Variants in ACP4 observed in about 807,000 individuals in gnomAD.
ACP4 encodes acid phosphatase 4, also known as testicular acid phosphatase.
A neutral mutation model predicts 47.3 loss-of-function variants in ACP4; 49 were observed. The observed-to-expected ratio is 1.04, with a 90% CI of 0.82 to 1.32. The LOEUF (loss-of-function observed/expected upper bound fraction) is 1.32, where lower values mean the gene tolerates loss of function less well. ACP4 is among the 40% of genes most tolerant of loss of function. The pLI is 0.00. For missense variants in ACP4, 594 were observed against 579.3 expected, an observed-to-expected ratio of 1.03 and a Z score of -0.26; for synonymous variants, 299 against 265.3, an observed-to-expected ratio of 1.13 and a Z score of -1.23.
intron 8 of ACP4, 97 bp downstream of exon 8, chr19:50,794,067 C>A: frequency 7.1e-7 from 1 of 1,402,976 alleles, no homozygotes; most frequent in Non-Finnish European, 1.0e-6. Context: ...CAGTGGATCT[C>A]AGCCCACTGC....
intron 8 of ACP4, among the ~76,000 whole-genome samples, 183 bp downstream of exon 8, chr19:50,794,153 T>C (rs1020456195): frequency 6.6e-6 from 1 of 152,318 alleles, no homozygotes; most frequent in East Asian, 1.9e-4. Context: ...GACGGTGTTA[T>C]GGGAGGAAGA....
At chr19:50,794,366 A>G in intron 8 of ACP4, 91 bp from the exon 9 acceptor site, 2 of 1,541,374 alleles carry the variant, frequency 1.3e-6, no homozygotes, top group South Asian at 1.2e-5. Context: ...GGTTCTAAGA[A>G]GCCTGGGGGA....
At position 50,791,694 on chromosome 19, in the gene ACP4, G is replaced by A; in HGVS notation, c.342G>A (p.Glu114=). 3 of 1,613,382 alleles carry A rather than the reference G, an allele frequency of 1.9e-6. No homozygotes were observed. Among genetic ancestry groups the A allele is most frequent in the Non-Finnish European group, 2.5e-6 (3 of 1,179,928 alleles). ...GCACGGACTTTGACCGCACGCTGGA[G>A]AGTGCCCAGGCCAACCTTGCCGGGC... ...IRSTDFDRTL[E]SAQANLAGLF... Residue 114 remains glutamate, a synonymous_variant, in exon 4 of 11, where the codon GAG becomes GAA. Coordinates refer to ENST00000270593, the MANE Select transcript of ACP4 (RefSeq NM_033068.3).
rs565145895 is a variant in ACP4, at chr19:50,792,404, C to T, written c.645+67C>T. The T allele has an allele frequency of 4.0e-6, 6 of 1,509,610 alleles. No homozygotes were observed. The Admixed American group carries it at 5.4e-5, about 14-fold the overall frequency. The allele number at this position is 1,509,610 out of a possible 1,614,324, so 93.5% of individuals were successfully genotyped here. A position where few individuals can be genotyped will look rare whatever the true frequency, so the allele number is the denominator to read the frequency against. ...GTTTCCAATCCCAGCTTGCTACTCA[C>T]TAGCTGTGTTCCCTCAGGCATGTAG... On this transcript the variant is annotated intron_variant, in intron 6 of 10. Coordinates refer to ENST00000270593, the MANE Select transcript of ACP4 (RefSeq NM_033068.3).
chr19:50,791,005 T>A (rs755504814), intron 3 of ACP4, 145 bp downstream of exon 3: 26 of 764,804 alleles, frequency 3.4e-5, no homozygotes, highest in Non-Finnish European at 5.2e-5. Flanking sequence ...TGACCCCCGA[T>A]ACACTGACTA....
rs2089537077 is a variant in ACP4 at position 50,794,402 on chromosome 19, C to T, written c.862-55C>T. On this transcript the variant is annotated intron_variant, in intron 8 of 10. Transcript: ENST00000270593. ...CATCTGGATGCGCAAGTGTAGTGCTCAGGAGAAAGGCCTCCAGAGAGAAGT... is the reference window on the plus strand; with the variant it reads ...CATCTGGATGCGCAAGTGTAGTGCTTAGGAGAAAGGCCTCCAGAGAGAAGT... 3.7e-6 allele frequency: 6 copies of T among 1,604,782 alleles called. No individual in the cohort carries two copies. In the South Asian group the frequency reaches 5.5e-5, roughly 15 times the overall value.
chr19:50,790,864 G>T lies in ACP4; in HGVS notation c.303+4G>T. ...TCCGGAGTACCGGCGGGAGGAGGTA[G>T]GGCCATAGTGACCCCCACCTGGCCC... is the stretch of plus-strand genomic sequence containing the variant. On this transcript the variant is annotated splice_donor_region_variant and intron_variant, in intron 3 of 10. Transcript: ENST00000270593. The T allele has an allele frequency of 3.2e-6, 5 of 1,544,500 alleles. No individual in the cohort carries two copies. The highest frequency in any genetic ancestry group is 4.4e-6 in the Non-Finnish European group (5 of 1,144,622).
chr19:50,790,429 GT>G lies in ACP4; in HGVS notation c.19del (p.Trp7GlyfsTer64). The G allele has an allele frequency of 6.3e-7, 1 of 1,589,072 alleles. No homozygotes were observed. The highest frequency in any genetic ancestry group is 1.3e-5 in the African/African-American group (1 of 74,746). On this transcript the variant is annotated frameshift_variant, in exon 1 of 11. Coordinates refer to ENST00000270593, the MANE Select transcript of ACP4 (RefSeq NM_033068.3). LOFTEE classifies it high-confidence loss of function. ...GCTGGGTGGAAATGGCCGGCCTGGG[GT>G]TTTGGGGCCACCCTGCTGGACCTCT... The part of the protein sequence containing the change: MAGLG[F>X]WGHPAGPLLL...
In ACP4 at chr19:50,791,697, T is replaced by A; in HGVS notation, c.345T>A (p.Ser115Arg). ...RSTDFDRTLE[S>R]AQANLAGLFP... ...CGGACTTTGACCGCACGCTGGAGAG[T>A]GCCCAGGCCAACCTTGCCGGGCTGT... The change falls in exon 4 of 11, where the codon AGT becomes AGA. Residue 115 changes from serine (S) to arginine (R), a missense_variant. Ser to Arg is a moderately radical substitution (Grantham distance 110). Transcript: ENST00000270593. The A allele has an allele frequency of 6.2e-7, 1 of 1,613,246 alleles. No homozygotes were observed. Among genetic ancestry groups the A allele is most frequent in the Non-Finnish European group, 8.5e-7 (1 of 1,179,894 alleles).
In ACP4 at chr19:50,794,868, T is replaced by A. The variant is rs546987490; in HGVS notation, c.1069T>A (p.Cys357Ser). 1.2e-6 allele frequency: 2 copies of A among 1,613,488 alleles called. No homozygotes were observed. Among genetic ancestry groups the A allele is most frequent in the Non-Finnish European group, 8.5e-7 (1 of 1,179,700 alleles). The change falls in exon 10 of 11, where the codon TGT becomes AGT. Residue 357 changes from cysteine to serine, a missense_variant. Cys to Ser is a moderately radical substitution (Grantham distance 112, BLOSUM62 -1). Coordinates refer to ENST00000270593, the MANE Select transcript of ACP4 (RefSeq NM_033068.3). ...CAGCCTCCCCGGGTGCCCGGCCCCC[T>A]GTCCACTAGGCCGCTTCTACCAGCT... ...PLSLPGCPAP[C>S]PLGRFYQLTA... is the part of the protein sequence containing the mutation.
rs190472139 is a variant in ACP4, at chr19:50,791,992, G to A, written c.451-81G>A. ...AAACTGCGACAAAGACGCAGGGGCC[G>A]AGAGCCCGGGTTCCCCCGACCCGCT... On this transcript the variant is annotated intron_variant, in intron 4 of 10. Transcript: ENST00000270593. 1,780 of 1,481,992 alleles carry A rather than the reference G, an allele frequency of 1.2e-3. 1 individual carries two copies. The highest frequency in any genetic ancestry group is 1.5e-3 in the Non-Finnish European group (1,616 of 1,106,278). The allele number at this position is 1,481,992 out of a possible 1,614,324, so 91.8% of individuals were successfully genotyped here. A position where few individuals can be genotyped will look rare whatever the true frequency, so the allele number is the denominator to read the frequency against.
rs745635016 is a variant in ACP4, at chr19:50,791,748, C to A, written c.396C>A (p.Pro132=). 6.2e-7 allele frequency: 1 copy of A among 1,612,848 alleles called. No individual in the cohort carries two copies. Among genetic ancestry groups the A allele is most frequent in the East Asian group, 2.2e-5 (1 of 44,878 alleles). The change falls in exon 4 of 11, where the codon CCC becomes CCA. Residue 132 remains proline, a synonymous_variant. Coordinates refer to ENST00000270593, the MANE Select transcript of ACP4 (RefSeq NM_033068.3). ...GLFPEAAPGS[P]EARWRPIPVH... is the part of the protein sequence containing the mutation. ...TTCCCGAGGCTGCTCCAGGGAGCCC[C>A]GAGGCCCGCTGGAGGCCGATCCCGG...
intron 2 of ACP4, 24 bp downstream of exon 2, chr19:50,790,722 G>A (rs1272317811): frequency 2.6e-6 from 4 of 1,534,120 alleles, no homozygotes; most frequent in Non-Finnish European, 3.5e-6. Flanking sequence ...AGGCGGTGAG[G>A]GCAAGGGTGG....
intron 8 of ACP4, 22 bp downstream of exon 8, chr19:50,793,992 C>T: frequency 1.1e-5 from 17 of 1,612,862 alleles, no homozygotes; most frequent in Non-Finnish European, 1.4e-5. Context: ...GGAAGCAGTG[C>T]CACATGGCAC....
chr19:50,790,915 C>A, intron 3 of ACP4, 55 bp downstream of exon 3: 1 of 1,476,696 alleles, frequency 6.8e-7, no homozygotes, highest in Non-Finnish European at 9.1e-7. Context: ...GTGACCTCCA[C>A]TGACTACAAC....
At chr19:50,793,556 A>G in intron 6 of ACP4, 128 bp from the exon 7 acceptor site, 1 of 1,362,452 alleles carries the variant, frequency 7.3e-7, no homozygotes, top group Non-Finnish European at 1.0e-6. Context: ...TATCCACATC[A>G]TGATTTCCCA....
At position 50,795,182 on chromosome 19, in the gene ACP4, C is replaced by T; in HGVS notation, c.*24C>T. ...GAGCCAGAAACCAGGGCTTCCCTAC[C>T]CCCAGCTGACACTGGACCCCAACAT... On this transcript the variant is annotated 3_prime_UTR_variant, in exon 11 of 11. Coordinates refer to ENST00000270593, the MANE Select transcript of ACP4 (RefSeq NM_033068.3). The T allele has an allele frequency of 6.6e-7, 1 of 1,515,300 alleles. No homozygotes were observed. The highest frequency in any genetic ancestry group is 1.2e-5 in the South Asian group (1 of 82,202). The allele number at this position is 1,515,300 out of a possible 1,614,324, so 93.9% of individuals were successfully genotyped here. A position where few individuals can be genotyped will look rare whatever the true frequency, so the allele number is the denominator to read the frequency against.
chr19:50,794,763 G>A (rs73586828), intron 9 of ACP4, 23 bp from the exon 10 acceptor site: 3 of 1,580,062 alleles, frequency 1.9e-6, no homozygotes, highest in Admixed American at 1.7e-5. Flanking sequence ...GGGAGGAGGT[G>A]CCACCATGTC....
rs771651536 is a variant in ACP4, at chr19:50,793,752, G to A, written c.714G>A (p.Ser238=). The change falls in exon 7 of 11, where the codon TCG becomes TCA. Residue 238 remains serine (S), a synonymous_variant. Transcript: ENST00000270593. ...PDVLRTLAQI[S]ALDIGAHVGP... is the part of the protein sequence containing the mutation. ...TCCTGCGGACTCTTGCCCAGATCTC[G>A]GCTTTGGATATTGGAGCCCACGTGG... The A allele has an allele frequency of 9.3e-6, 15 of 1,613,676 alleles. No individual in the cohort carries two copies. The highest frequency in any genetic ancestry group is 3.3e-4 in the Middle Eastern group (2 of 6,080).
Sources: gnomAD v4.1 joint callset for allele counts (sites outside exome capture counted in the v4.1 genomes callset) on GRCh38, gnomAD v4.1.1 for gene constraint, MANE v1.5 for transcripts, NCBI Gene and HGNC (gene_info 2026-07-23, HGNC 2026-07-21) for gene names.